Variants in ZNF385D observed in about 807,000 individuals in gnomAD.
ZNF385D encodes zinc finger protein 385D.
A neutral mutation model predicts 35.8 loss-of-function variants in ZNF385D; 15 were observed. The observed-to-expected ratio is 0.42, with a 90% CI of 0.28 to 0.64. The LOEUF is 0.64. Ranked by LOEUF, ZNF385D falls within the 30% of genes least tolerant of loss-of-function variation. The pLI, the probability that ZNF385D is intolerant of heterozygous loss-of-function variation, is 0.23. For synonymous variants in ZNF385D, 212 were observed against 186.8 expected (o/e 1.13, Z -1.10); for missense variants, 474 against 494.6 (o/e 0.96, Z 0.39).
chr3:21,791,640 C>T (rs368722891), intron 3 of ZNF385D, among the ~76,000 whole-genome samples: 3 of 152,148 alleles, frequency 2.0e-5, no homozygotes, highest in Non-Finnish European at 2.9e-5. Flanking sequence ...ATTTAATGGC[C>T]TCTAACATTA....
intron 4 of ZNF385D, among the ~76,000 whole-genome samples, chr3:21,443,821 A>C (rs1701988503): frequency 6.6e-6 from 1 of 152,204 alleles, no homozygotes; most frequent in Non-Finnish European, 1.5e-5. Context: ...GTATGCATTA[A>C]AAATTTTAGA....
chr3:22,362,119 C>G (rs540880572), intron 2 of ZNF385D, among the ~76,000 whole-genome samples: 3 of 151,546 alleles, frequency 2.0e-5, no homozygotes, highest in South Asian at 4.1e-4. Flanking sequence ...ATTATGGAAA[C>G]TTTTACTTTT....
At chr3:22,077,200 T>A (rs879427378) in intron 3 of ZNF385D, among the ~76,000 whole-genome samples, 2 of 152,004 alleles carry the variant, frequency 1.3e-5, no homozygotes, top group African/African-American at 4.8e-5. Flanking sequence ...TCAGACTATA[T>A]GAATGTTTCA....
chr3:21,692,539 C>T (rs543888046), intron 1 of ZNF385D, among the ~76,000 whole-genome samples: 2 of 152,334 alleles, frequency 1.3e-5, no homozygotes, highest in East Asian at 3.9e-4. Flanking sequence ...AAGTGCTTCT[C>T]AACCCTCCTC....
At chr3:22,024,165 A>T (rs1181724674) in intron 3 of ZNF385D, among the ~76,000 whole-genome samples, 1 of 152,076 alleles carries the variant, frequency 6.6e-6, no homozygotes, top group Non-Finnish European at 1.5e-5. Context: ...TCTTTCTCCC[A>T]TTCTGGATGC....
At chr3:22,297,560 C>A (rs1223432295) in intron 2 of ZNF385D, among the ~76,000 whole-genome samples, 1 of 152,042 alleles carries the variant, frequency 6.6e-6, no homozygotes, top group Admixed American at 6.6e-5. Flanking sequence ...GGGTAAAGTC[C>A]AGAGCAGAAG....
At chr3:22,360,796 C>T (rs1160335492) in intron 2 of ZNF385D, among the ~76,000 whole-genome samples, 2 of 151,982 alleles carry the variant, frequency 1.3e-5, no homozygotes, top group Non-Finnish European at 2.9e-5. Context: ...TTTAGACTCT[C>T]CTTTAGTGGG....
At chr3:22,066,265 A>G (rs370495871) in intron 3 of ZNF385D, among the ~76,000 whole-genome samples, 1 of 152,246 alleles carries the variant, frequency 6.6e-6, no homozygotes, top group South Asian at 2.1e-4. Context: ...AGACCAAAAA[A>G]TGAAGGAAAG....
intron 3 of ZNF385D, among the ~76,000 whole-genome samples, chr3:22,119,968 C>T (rs1277168312): frequency 1.3e-5 from 2 of 149,832 alleles, no homozygotes; most frequent in African/African-American, 4.9e-5. Context: ...AGGCATGCTC[C>T]AACATACTCA....
chr3:22,221,761 A>C (rs1262927509), intron 2 of ZNF385D, among the ~76,000 whole-genome samples: 3 of 152,206 alleles, frequency 2.0e-5, no homozygotes, highest in African/African-American at 7.2e-5. Context: ...AAGCTAGTGC[A>C]AGGATTGAAA....
intron 3 of ZNF385D, among the ~76,000 whole-genome samples, chr3:22,065,579 T>C (rs1048734575): frequency 2.0e-5 from 3 of 152,022 alleles, no homozygotes; most frequent in African/African-American, 7.2e-5. Context: ...CAAGAGGAAA[T>C]TGGGCATGGT....
At position 22,331,251 on chromosome 3, in the gene ZNF385D, G is replaced by A. The variant is rs150385968; in HGVS notation, c.106+41199C>T. 3.5e-3 allele frequency among the ~76,000 whole-genome samples: 530 copies of A among 152,094 alleles called. 2 individuals carry two copies. Among genetic ancestry groups the A allele is most frequent in the African/African-American group, 0.012 (493 of 41,486 alleles). Reference sequence around the variant, plus strand: ...TCATGCTTTGTGATGAAAAGGCTTTGCATAGATTACACAGCACAAGTGTCA... The same window carrying A: ...TCATGCTTTGTGATGAAAAGGCTTTACATAGATTACACAGCACAAGTGTCA... On this transcript the variant is annotated intron_variant, in intron 2 of 5. Transcript: ENST00000494108.
At chr3:21,897,161 G>C (rs1226421184) in intron 3 of ZNF385D, among the ~76,000 whole-genome samples, 1 of 152,026 alleles carries the variant, frequency 6.6e-6, no homozygotes. Context: ...AGTTTGGAGG[G>C]GTTTTTTACT....
intron 2 of ZNF385D, among the ~76,000 whole-genome samples, chr3:22,177,475 C>G (rs948279991): frequency 2.0e-5 from 3 of 152,150 alleles, no homozygotes; most frequent in South Asian, 4.1e-4. Flanking sequence ...CTGCCATGTG[C>G]TAGCACTCGT....
intron 3 of ZNF385D, among the ~76,000 whole-genome samples, chr3:21,923,623 G>T (rs559117338): frequency 1.3e-5 from 2 of 152,144 alleles, no homozygotes; most frequent in African/African-American, 4.8e-5. Flanking sequence ...TTTATCAGTG[G>T]TGGACTGGAT....
chr3:22,040,670 C>T (rs540851283), intron 3 of ZNF385D, among the ~76,000 whole-genome samples: 76 of 152,270 alleles, frequency 5.0e-4, no homozygotes, highest in Middle Eastern at 3.4e-3. Flanking sequence ...TCTTAGACTT[C>T]AGGAGACTTG....
At chr3:21,800,062 G>T (rs1295073607) in intron 3 of ZNF385D, among the ~76,000 whole-genome samples, 1 of 152,120 alleles carries the variant, frequency 6.6e-6, no homozygotes, top group African/African-American at 2.4e-5. Context: ...AAGATTTATG[G>T]ATTTATTTCT....
chr3:22,187,279 A>G (rs540626662), intron 2 of ZNF385D, among the ~76,000 whole-genome samples: 22 of 152,204 alleles, frequency 1.4e-4, no homozygotes, highest in African/African-American at 3.6e-4. Flanking sequence ...GTCTATTAAA[A>G]TAAGAGTGCT....
intron 3 of ZNF385D, among the ~76,000 whole-genome samples, chr3:22,043,111 A>G (rs1698769025): frequency 1.3e-5 from 2 of 152,170 alleles, no homozygotes; most frequent in African/African-American, 2.4e-5. Flanking sequence ...ATAAAGCTGC[A>G]GTCATTTGGT....
Sources: gnomAD v4.1 joint callset for allele counts (sites outside exome capture counted in the v4.1 genomes callset) on GRCh38, gnomAD v4.1.1 for gene constraint, MANE v1.5 for transcripts, NCBI Gene and HGNC (gene_info 2026-07-23, HGNC 2026-07-21) for gene names.